GPA33: variants seen among roughly 807,000 people sequenced by gnomAD.
GPA33 encodes the protein glycoprotein A33.
GPA33 carries 27 observed loss-of-function variants against 35.6 expected under a neutral mutation model. The ratio of observed to expected loss-of-function variants is 0.76; its 90% CI spans 0.56 to 1.04. GPA33 has a LOEUF of 1.04. Among genes scored for constraint, GPA33 ranks in the 50% least tolerant of loss-of-function variants. The pLI, the probability that GPA33 is intolerant of heterozygous loss-of-function variation, is 0.00. For synonymous variants in GPA33, 176 were observed against 164.0 expected, an observed-to-expected ratio of 1.07 and a Z score of -0.56; for missense variants, 428 against 411.9, an observed-to-expected ratio of 1.04 and a Z score of -0.34.
intron 4 of GPA33, among the ~76,000 whole-genome samples, chr1:167,060,532 G>A (rs766172297): frequency 6.6e-6 from 1 of 152,176 alleles, no homozygotes; most frequent in Non-Finnish European, 1.5e-5. Context: ...TTCTGACTCA[G>A]CAAATCTTAA....
At chr1:167,089,372 G>T (rs1192446162) in intron 1 of GPA33, among the ~76,000 whole-genome samples, 1 of 152,182 alleles carries the variant, frequency 6.6e-6, no homozygotes, top group African/African-American at 2.4e-5. Flanking sequence ...CCCCGTTGCA[G>T]CTGGATCCTG....
chr1:167,069,000 C>A lies in GPA33; in HGVS notation c.337G>T (p.Gly113Cys). The change falls in exon 3 of 7, where the codon GGC becomes TGC. Residue 113 changes from glycine (G) to cysteine (C), a missense_variant. Physicochemically the swap from Gly to Cys is radical, Grantham distance 159 (BLOSUM62 -3). Coordinates refer to ENST00000367868, the MANE Select transcript of GPA33 (RefSeq NM_005814.3). ...TIDQLTMADNGTYECSVSLMS... is the reference protein window; with the variant it reads ...TIDQLTMADNCTYECSVSLMS... ...AGCGAGACAGAACACTCGTAGGTGC[C>A]GTTGTCAGCCATGGTCAGCTGATCA... 1 of 1,614,008 alleles carries A rather than the reference C, an allele frequency of 6.2e-7. No individual in the cohort carries two copies. The highest frequency in any genetic ancestry group is 8.5e-7 in the Non-Finnish European group (1 of 1,179,970).
chr1:167,056,955 TATGTGTGGTGTGCA>T (rs1326634262), intron 4 of GPA33, among the ~76,000 whole-genome samples: 1 of 136,570 alleles, frequency 7.3e-6, no homozygotes, highest in African/African-American at 2.8e-5. Context: ...GCGTGTGTAG[TATGTGTGGTGTGCA>T]GTGTGTGATG....
Position 167,054,485 on chromosome 1 carries a change from CAG to C in GPA33, c.828-21_828-20del. ...CCGGTTCCTGCAGGGCAGCAGGGGA[CAG>C]AGGGGAAGGATTTGCTCTCAGGTGG... On this transcript the variant is annotated intron_variant, in intron 6 of 6. Coordinates refer to ENST00000367868, the MANE Select transcript of GPA33 (RefSeq NM_005814.3). The C allele has an allele frequency of 1.2e-6, 2 of 1,613,988 alleles. No homozygotes were observed. The highest frequency in any genetic ancestry group is 1.1e-5 in the South Asian group (1 of 91,070).
chr1:167,054,233 A>G lies in GPA33; in HGVS notation c.*101T>C. On this transcript the variant is annotated 3_prime_UTR_variant, in exon 7 of 7. Coordinates refer to ENST00000367868, the MANE Select transcript of GPA33 (RefSeq NM_005814.3). The stretch of plus-strand genomic sequence containing the variant: ...AGAAATGTCCCCATCAATGTCTGGG[A>G]TGGAGGGACAGGAGAACAGGGCTTA... 7.0e-7 allele frequency: 1 copy of G among 1,427,228 alleles called. No individual in the cohort carries two copies. Among genetic ancestry groups the G allele is most frequent in the South Asian group, 1.2e-5 (1 of 80,902 alleles). 88.4% of individuals were successfully genotyped at this position (1,427,228 alleles called of 1,614,324 possible). A position where few individuals can be genotyped will look rare whatever the true frequency, so the allele number is the denominator to read the frequency against.
chr1:167,079,336 A>G (rs551852405), intron 1 of GPA33, among the ~76,000 whole-genome samples: 2 of 152,116 alleles, frequency 1.3e-5, no homozygotes, highest in East Asian at 3.9e-4. Flanking sequence ...CTACTAAACT[A>G]CAAAAATTAG....
At chr1:167,058,453 G>T (rs1310183378) in intron 4 of GPA33, 1 of 152,126 alleles carries the variant, frequency 6.6e-6, no homozygotes, top group Non-Finnish European at 1.5e-5. Flanking sequence ...ATGGCAAGGG[G>T]TTTTAATCTC....
At chr1:167,080,520 G>C (rs560303122) in intron 1 of GPA33, among the ~76,000 whole-genome samples, 1 of 152,288 alleles carries the variant, frequency 6.6e-6, no homozygotes, top group East Asian at 1.9e-4. Context: ...CAGCAGCATG[G>C]CCAAGAGCAC....
rs183848463 is a variant in GPA33 at position 167,088,813 on chromosome 1, C to T, written c.43+1432G>A. 3.9e-5 allele frequency among the ~76,000 whole-genome samples: 6 copies of T among 152,268 alleles called. No individual in the cohort carries two copies. In the East Asian group the frequency reaches 5.8e-4, roughly 15 times the overall value. Reference sequence around the variant, plus strand: ...TTGGGGTGGTGCAGGCATGGAGGAGCTTCTGGCTTACCAGGAGAAGATGGG... The same window carrying T: ...TTGGGGTGGTGCAGGCATGGAGGAGTTTCTGGCTTACCAGGAGAAGATGGG... On this transcript the variant is annotated intron_variant, in intron 1 of 6. Transcript: ENST00000367868.
intron 1 of GPA33, among the ~76,000 whole-genome samples, chr1:167,075,297 G>C (rs1378799453): frequency 6.6e-6 from 1 of 152,182 alleles, no homozygotes; most frequent in Non-Finnish European, 1.5e-5. Context: ...TCAGGCAAGA[G>C]TTGGCTCAAT....
At position 167,057,603 on chromosome 1, in the gene GPA33, C is replaced by T. The variant is rs147776754; in HGVS notation, c.572-1754G>A. 4.7e-3 allele frequency among the ~76,000 whole-genome samples: 711 copies of T among 152,330 alleles called. 3 individuals carry two copies. Among genetic ancestry groups the T allele is most frequent in the African/African-American group, 0.014 (592 of 41,574 alleles). On this transcript the variant is annotated intron_variant, in intron 4 of 6. Coordinates refer to ENST00000367868, the MANE Select transcript of GPA33 (RefSeq NM_005814.3). ...CAATCATACCAGCTTTGCCTCTTGC[C>T]ACTTGGTGCTAGGGGCAAAACCAGG...
intron 4 of GPA33, among the ~76,000 whole-genome samples, chr1:167,058,696 GA>G (rs1666364898): frequency 1.3e-5 from 2 of 152,158 alleles, no homozygotes; most frequent in Non-Finnish European, 2.9e-5. Context: ...ATGTTTTCTG[GA>G]ACATTGTTTA....
At chr1:167,085,218 AT>A (rs1277080971) in intron 1 of GPA33, among the ~76,000 whole-genome samples, 3 of 152,198 alleles carry the variant, frequency 2.0e-5, no homozygotes, top group Non-Finnish European at 4.4e-5. Flanking sequence ...GGACTCTGAC[AT>A]TTCATGGCAG....
intron 2 of GPA33, among the ~76,000 whole-genome samples, chr1:167,070,230 G>A (rs148280865): frequency 3.3e-5 from 5 of 152,312 alleles, no homozygotes; most frequent in East Asian, 1.9e-4. Flanking sequence ...ATCAACCCCA[G>A]TCATTCAGTA....
intron 4 of GPA33, 151 bp from the exon 5 acceptor site, chr1:167,056,000 C>T (rs775457046): frequency 2.0e-4 from 147 of 724,458 alleles, no homozygotes; most frequent in Admixed American, 4.2e-4. Context: ...GGCTGCAGGA[C>T]GCTTAAACCA....
intron 1 of GPA33, among the ~76,000 whole-genome samples, chr1:167,086,064 C>T (rs957254512): frequency 1.3e-5 from 2 of 152,216 alleles, no homozygotes; most frequent in Non-Finnish European, 2.9e-5. Flanking sequence ...CTTAGACCGA[C>T]CATTCATAAC....
At chr1:167,088,766 G>A (rs534807897) in intron 1 of GPA33, among the ~76,000 whole-genome samples, 1 of 152,302 alleles carries the variant, frequency 6.6e-6, no homozygotes, top group African/African-American at 2.4e-5. Context: ...CAGTCTACAA[G>A]TGTGGGGATA....
intron 1 of GPA33, among the ~76,000 whole-genome samples, chr1:167,087,577 G>C (rs1424583009): frequency 6.6e-6 from 1 of 152,062 alleles, no homozygotes; most frequent in Non-Finnish European, 1.5e-5. Flanking sequence ...CCCAGGCATG[G>C]AGGTCTGTTT....
At chr1:167,063,008 C>T (rs772568839) in intron 4 of GPA33, among the ~76,000 whole-genome samples, 11 of 152,238 alleles carry the variant, frequency 7.2e-5, no homozygotes, top group Non-Finnish European at 1.5e-4. Context: ...AGGGCACGTT[C>T]ATCCAAGAGA....
Sources: allele counts gnomAD v4.1 joint callset (sites outside exome capture counted in the v4.1 genomes callset), GRCh38; gene constraint gnomAD v4.1.1; transcripts MANE v1.5; gene names NCBI Gene and HGNC (gene_info 2026-07-23, HGNC 2026-07-21).